Variants in GRPR observed in about 807,000 individuals in gnomAD.
GRPR encodes gastrin-releasing peptide receptor.
In GRPR, 4 loss-of-function variants were observed where a neutral mutation model predicts 15.6. That is an observed-to-expected ratio of 0.26 (90% CI 0.13 to 0.59). GRPR has a LOEUF of 0.59. Ranked by LOEUF, GRPR falls within the 20% of genes least tolerant of loss-of-function variation. GRPR has a pLI of 0.90. For missense variants in GRPR, 270 were observed against 304.1 expected (o/e 0.89, Z 0.83); for synonymous variants, 128 against 126.8 (o/e 1.01, Z -0.06).
At chrX:16,151,546 T>C (rs777846181) in intron 2 of GRPR, among the ~76,000 whole-genome samples, 1 of 111,954 alleles carries the variant, frequency 8.9e-6, no homozygotes, top group African/African-American at 3.2e-5. Context: ...CTAATGAAAC[T>C]ACCTTCCTAC....
chrX:16,151,897 T>C (rs1431416694), intron 2 of GRPR, among the ~76,000 whole-genome samples: 1 of 111,829 alleles, frequency 8.9e-6, no homozygotes, highest in African/African-American at 3.3e-5. Context: ...AGGGGGCACT[T>C]ATTAGAAGTT....
chrX:16,140,525 A>G (rs1922515443), intron 1 of GRPR, among the ~76,000 whole-genome samples: 1 of 111,499 alleles, frequency 9.0e-6, no homozygotes, highest in Non-Finnish European at 1.9e-5. Flanking sequence ...TTCTCTGACC[A>G]AGGGTGATCT....
intron 1 of GRPR, among the ~76,000 whole-genome samples, chrX:16,146,166 T>C (rs944955160): frequency 6.3e-5 from 7 of 111,935 alleles, no homozygotes; most frequent in Admixed American, 1.9e-4. Flanking sequence ...GAATGATCTA[T>C]GTAAAATGAT....
At chrX:16,144,089 G>C (rs1056924926) in intron 1 of GRPR, among the ~76,000 whole-genome samples, 3 of 111,993 alleles carry the variant, frequency 2.7e-5, no homozygotes, top group Admixed American at 9.5e-5. Context: ...TTATCCTGGA[G>C]AAAACAGAAA....
intron 1 of GRPR, among the ~76,000 whole-genome samples, chrX:16,147,183 G>A (rs1002271597): frequency 9.0e-6 from 1 of 111,272 alleles, no homozygotes; most frequent in African/African-American, 3.3e-5. Flanking sequence ...GCAAATACTA[G>A]ATATTATATT....
intron 1 of GRPR, among the ~76,000 whole-genome samples, chrX:16,148,369 G>C (rs1415460157): frequency 9.0e-6 from 1 of 111,336 alleles, no homozygotes; most frequent in Non-Finnish European, 1.9e-5. Flanking sequence ...AATCCTCCCT[G>C]AGCCCAATGC....
In GRPR at chrX:16,153,487, C is replaced by CTATT. The variant is rs1922753443; in HGVS notation, c.*843_*846dup. ...TCCTTTTAGGAAAAAAAAAATCATG[C>CTATT]TATTAATTAATCAAATATCTATAAA... On this transcript the variant is annotated 3_prime_UTR_variant, in exon 3 of 3. Coordinates refer to ENST00000380289, the MANE Select transcript of GRPR (RefSeq NM_005314.3). The CTATT allele has an allele frequency of 9.0e-6, 1 of 111,021 alleles. No individual in the cohort carries two copies. Among genetic ancestry groups the CTATT allele is most frequent in the African/African-American group, 3.3e-5 (1 of 30,334 alleles). 9.1% of individuals were successfully genotyped at this position (111,021 alleles called of 1,213,427 possible). A position where few individuals can be genotyped will look rare whatever the true frequency, so the allele number is the denominator to read the frequency against.
At chrX:16,134,580 G>A (rs1377024512) in intron 1 of GRPR, among the ~76,000 whole-genome samples, 1 of 111,233 alleles carries the variant, frequency 9.0e-6, no homozygotes, top group African/African-American at 3.3e-5. Flanking sequence ...TTTGGTTTTT[G>A]TGAGAGTTGG....
intron 1 of GRPR, among the ~76,000 whole-genome samples, chrX:16,127,479 C>T (rs984383811): frequency 9.0e-6 from 1 of 111,219 alleles, no homozygotes; most frequent in South Asian, 3.8e-4. Context: ...TGTCCTTACA[C>T]ACACACTGAT....
intron 1 of GRPR, 45 bp downstream of exon 1, chrX:16,124,411 G>C (rs1569124792): frequency 9.0e-7 from 1 of 1,108,800 alleles, no homozygotes; most frequent in East Asian, 3.0e-5. Flanking sequence ...GGTGATAGAC[G>C]CCTGGGTAAA....
intron 1 of GRPR, among the ~76,000 whole-genome samples, chrX:16,134,336 C>T (rs73446173): frequency 0.06 from 6,708 of 111,628 alleles, 521 homozygotes; most frequent in African/African-American, 0.21. Flanking sequence ...TTTGTTCCAT[C>T]TTGTAGTTTA....
At chrX:16,132,648 T>C (rs1178910619) in intron 1 of GRPR, among the ~76,000 whole-genome samples, 1 of 111,539 alleles carries the variant, frequency 9.0e-6, no homozygotes, top group Non-Finnish European at 1.9e-5. Context: ...TTGATTAAAA[T>C]TGTCTTTTTA....
chrX:16,141,176 G>A (rs1280938578), intron 1 of GRPR, among the ~76,000 whole-genome samples: 1 of 111,938 alleles, frequency 8.9e-6, no homozygotes, highest in African/African-American at 3.2e-5. Flanking sequence ...ATATCCACTG[G>A]TAACTGTAAT....
In GRPR at chrX:16,150,288, C is replaced by T. The variant is rs774009513; in HGVS notation, c.414-17C>T. The T allele has an allele frequency of 5.6e-6, 6 of 1,073,628 alleles. No individual in the cohort carries two copies. The highest frequency in any genetic ancestry group is 5.6e-5 in the South Asian group (3 of 54,029). 88.5% of individuals were successfully genotyped at this position (1,073,628 alleles called of 1,213,427 possible). ...TAATATTATGCAACTGATGGGGATGCTTCTTTCCTGCCCTAGATACAAAGC... is the reference window on the plus strand; with the variant it reads ...TAATATTATGCAACTGATGGGGATGTTTCTTTCCTGCCCTAGATACAAAGC... On this transcript the variant is annotated splice_polypyrimidine_tract_variant and intron_variant, in intron 1 of 2. Coordinates refer to ENST00000380289, the MANE Select transcript of GRPR (RefSeq NM_005314.3).
rs767564828 is a variant in GRPR at position 16,153,259 on chromosome X, T to TA, written c.*619dup. 79 of 110,065 alleles carry TA rather than the reference T, an allele frequency of 7.2e-4. No individual in the cohort carries two copies. The highest frequency in any genetic ancestry group is 1.1e-3 in the Admixed American group (11 of 10,439). The allele number at this position is 110,065 out of a possible 1,213,427, so 9.1% of individuals were successfully genotyped here. A position where few individuals can be genotyped will look rare whatever the true frequency, so the allele number is the denominator to read the frequency against. On this transcript the variant is annotated 3_prime_UTR_variant, in exon 3 of 3. Transcript: ENST00000380289. ...ATTCCCTAAGCATTTATTTTTTTTT[T>TA]AAAAAGATGTTACTGAGGACCTAGA...
At chrX:16,142,240 C>T (rs1239462377) in intron 1 of GRPR, among the ~76,000 whole-genome samples, 1 of 111,966 alleles carries the variant, frequency 8.9e-6, no homozygotes, top group Non-Finnish European at 1.9e-5. Context: ...AAATATTTAA[C>T]AAAAAATATT....
intron 1 of GRPR, among the ~76,000 whole-genome samples, chrX:16,147,714 A>G (rs924243224): frequency 8.9e-6 from 1 of 112,040 alleles, no homozygotes; most frequent in African/African-American, 3.2e-5. Context: ...CATAGTTCCC[A>G]TGGTATTTTG....
chrX:16,152,913 ATTT>A lies in GRPR; in HGVS notation c.*272_*274del. ...CAGAAAAGGGAACAAGTAGAAAATT[ATTT>A]TTTAAGCCTCAAGCCCTGTTAAATG... On this transcript the variant is annotated 3_prime_UTR_variant, in exon 3 of 3. Transcript: ENST00000380289. 5.2e-6 allele frequency: 2 copies of A among 382,580 alleles called. No homozygotes were observed. The highest frequency in any genetic ancestry group is 8.5e-5 in the South Asian group (2 of 23,558). 31.5% of individuals were successfully genotyped at this position (382,580 alleles called of 1,213,427 possible).
chrX:16,151,152 G>A (rs1922693391), intron 2 of GRPR, among the ~76,000 whole-genome samples: 1 of 111,785 alleles, frequency 8.9e-6, no homozygotes, highest in Admixed American at 9.5e-5. Context: ...CTGAGCCTCA[G>A]TTTTCTTACC....
Sources: gnomAD v4.1 joint callset for allele counts (sites outside exome capture counted in the v4.1 genomes callset) on GRCh38, gnomAD v4.1.1 for gene constraint, MANE v1.5 for transcripts, NCBI Gene and HGNC (gene_info 2026-07-23, HGNC 2026-07-21) for gene names.